The following CPEB3 variants were observed in gnomAD, a reference collection of about 807,000 sequenced individuals.
CPEB3 encodes cytoplasmic polyadenylation element-binding protein 3.
In CPEB3, 20 loss-of-function variants were observed where a neutral mutation model predicts 67.2. The ratio of observed to expected loss-of-function variants is 0.30; its 90% confidence interval spans 0.21 to 0.43. The LOEUF (loss-of-function observed/expected upper bound fraction) is 0.43, where lower values mean the gene tolerates loss of function less well. Ranked by LOEUF, CPEB3 falls within the 20% of genes least tolerant of loss-of-function variation. The pLI is 1.00. For synonymous variants in CPEB3, 376 were observed against 393.1 expected (o/e 0.96, Z 0.51); for missense variants, 746 against 968.6 (o/e 0.77, Z 3.05).
chr10:92,287,375 C>T (rs1842580490), intron 1 of CPEB3, among the ~76,000 whole-genome samples: 1 of 152,030 alleles, frequency 6.6e-6, no homozygotes, highest in Admixed American at 6.5e-5. Flanking sequence ...GACTTTTTTC[C>T]TTCAAAATCA....
At chr10:92,102,035 T>C (rs184258882) in intron 7 of CPEB3, among the ~76,000 whole-genome samples, 2 of 152,236 alleles carry the variant, frequency 1.3e-5, no homozygotes, top group Non-Finnish European at 1.5e-5. Context: ...TTAGACTCTT[T>C]ACAGCACACT....
At chr10:92,067,945 T>C (rs1241607029) in intron 9 of CPEB3, among the ~76,000 whole-genome samples, 1 of 152,216 alleles carries the variant, frequency 6.6e-6, no homozygotes, top group Admixed American at 6.5e-5. Context: ...CTAGGGTAGA[T>C]TTTTAAAAAT....
chr10:92,214,062 C>T (rs1412190572), intron 2 of CPEB3, among the ~76,000 whole-genome samples: 1 of 152,144 alleles, frequency 6.6e-6, no homozygotes, highest in Non-Finnish European at 1.5e-5. Context: ...TCATTTTCCA[C>T]CAAATAGTCA....
intron 7 of CPEB3, among the ~76,000 whole-genome samples, chr10:92,094,951 G>A (rs1390240207): frequency 6.6e-6 from 1 of 152,024 alleles, no homozygotes; most frequent in Admixed American, 6.6e-5. Context: ...TATGTTAATT[G>A]CGTTTGATCA....
chr10:92,111,129 C>A lies in CPEB3; in HGVS notation c.1519G>T (p.Glu507Ter). ...VQALIDACLE[E>*]DGKLYLCVSS... Reference sequence around the variant, plus strand: ...ACACACAGGTAGAGTTTCCCATCTTCTTCTAGGCAGGCATCTATCAAAGCT... The same window carrying A: ...ACACACAGGTAGAGTTTCCCATCTTATTCTAGGCAGGCATCTATCAAAGCT... Residue 507 changes from glutamate to a stop codon, truncating the protein, a stop_gained, in exon 7 of 10, where the codon GAA becomes TAA. Transcript: ENST00000265997. LOFTEE classifies it high-confidence loss of function. 6.2e-7 allele frequency: 1 copy of A among 1,614,190 alleles called. No individual in the cohort carries two copies. Among genetic ancestry groups the A allele is most frequent in the Non-Finnish European group, 8.5e-7 (1 of 1,180,020 alleles).
At chr10:92,177,180 C>T (rs1389688023) in intron 4 of CPEB3, among the ~76,000 whole-genome samples, 1 of 152,094 alleles carries the variant, frequency 6.6e-6, no homozygotes, top group East Asian at 1.9e-4. Flanking sequence ...GCCTCCTTCT[C>T]CAATGGGAAA....
At chr10:92,284,826 T>C (rs2135108378) in intron 1 of CPEB3, among the ~76,000 whole-genome samples, 1 of 152,358 alleles carries the variant, frequency 6.6e-6, no homozygotes, top group African/African-American at 2.4e-5. Context: ...GTCCCTAGCT[T>C]AGCGCCTGTC....
chr10:92,289,875 A>C (rs1590633168), intron 1 of CPEB3, among the ~76,000 whole-genome samples: 1 of 120,718 alleles, frequency 8.3e-6, no homozygotes, highest in Non-Finnish European at 1.5e-5. Context: ...CACCCCGATT[A>C]AACTAAATAC....
At chr10:92,056,883 G>C (rs1842131743) in intron 9 of CPEB3, among the ~76,000 whole-genome samples, 1 of 152,202 alleles carries the variant, frequency 6.6e-6, no homozygotes, top group Non-Finnish European at 1.5e-5. Context: ...TTGGATACCA[G>C]CTCAGCCACA....
chr10:92,236,657 G>A (rs1017605270), intron 2 of CPEB3, among the ~76,000 whole-genome samples: 2 of 152,134 alleles, frequency 1.3e-5, no homozygotes, highest in South Asian at 2.1e-4. Context: ...GCTGAGGCAG[G>A]AGAATTGCTT....
intron 1 of CPEB3, among the ~76,000 whole-genome samples, chr10:92,264,715 CAAAA>C (rs773984330): frequency 5.1e-5 from 3 of 58,778 alleles, no homozygotes; most frequent in Admixed American, 1.9e-4. Flanking sequence ...GACTCCGTCT[CAAAA>C]AAAAAAAAAA....
At chr10:92,240,916 T>A (rs528513159) in intron 1 of CPEB3, among the ~76,000 whole-genome samples, 12 of 152,244 alleles carry the variant, frequency 7.9e-5, no homozygotes, top group African/African-American at 2.9e-4. Flanking sequence ...ACTGCCTTCT[T>A]GCGTTGGTAA....
In CPEB3 at chr10:92,252,255, G is replaced by C. The variant is rs142524859; in HGVS notation, c.-11-11894C>G. ...AATCAGAATGGCTAGAACTGGAAAA[G>C]GCAGACAATACCAAGCATTAGCAAG... On this transcript the variant is annotated intron_variant, in intron 1 of 9. Transcript: ENST00000265997. 2.3e-3 allele frequency among the ~76,000 whole-genome samples: 349 copies of C among 152,150 alleles called. 1 individual carries two copies. Among genetic ancestry groups the C allele is most frequent in the African/African-American group, 7.9e-3 (327 of 41,510 alleles).
At chr10:92,283,029 T>G (rs1293380945) in intron 1 of CPEB3, among the ~76,000 whole-genome samples, 1 of 152,154 alleles carries the variant, frequency 6.6e-6, no homozygotes, top group African/African-American at 2.4e-5. Context: ...GGCAGGTGGA[T>G]CACTTCAGCT....
At chr10:92,147,607 T>G (rs1023484141) in intron 4 of CPEB3, among the ~76,000 whole-genome samples, 3 of 152,058 alleles carry the variant, frequency 2.0e-5, no homozygotes, top group African/African-American at 7.2e-5. Flanking sequence ...GGAATCACAG[T>G]CTGGTGGGGG....
chr10:92,195,323 C>A (rs987781242), intron 2 of CPEB3, among the ~76,000 whole-genome samples: 6 of 152,150 alleles, frequency 3.9e-5, no homozygotes, highest in African/African-American at 1.4e-4. Flanking sequence ...GGAATATTTT[C>A]TTTGGTTGTC....
At chr10:92,172,432 T>C (rs1848046670) in intron 4 of CPEB3, among the ~76,000 whole-genome samples, 2 of 152,212 alleles carry the variant, frequency 1.3e-5, no homozygotes, top group African/African-American at 2.4e-5. Context: ...TGAACATGTG[T>C]GGAAGTATAC....
At chr10:92,289,743 A>G (rs1235223791) in intron 1 of CPEB3, among the ~76,000 whole-genome samples, 1 of 118,600 alleles carries the variant, frequency 8.4e-6, no homozygotes, top group African/African-American at 3.8e-5. Context: ...ATATATATAT[A>G]TATATATATA....
intron 4 of CPEB3, among the ~76,000 whole-genome samples, chr10:92,161,216 A>G (rs545662818): frequency 6.6e-6 from 1 of 152,218 alleles, no homozygotes; most frequent in South Asian, 2.1e-4. Flanking sequence ...TAGGTAGCCA[A>G]TATCAAGTAG....
Sources: allele counts gnomAD v4.1 joint callset (sites outside exome capture counted in the v4.1 genomes callset), GRCh38; gene constraint gnomAD v4.1.1; transcripts MANE v1.5; gene names NCBI Gene and HGNC (gene_info 2026-07-23, HGNC 2026-07-21).